Variants in FAM149A observed in about 807,000 individuals in gnomAD.
The protein encoded by FAM149A is protein FAM149A.
In FAM149A, 71 loss-of-function variants were observed where a neutral mutation model predicts 78.2. The observed-to-expected ratio is 0.91, with a 90% confidence interval of 0.75 to 1.11. The LOEUF (loss-of-function observed/expected upper bound fraction) is 1.11. Among genes scored for constraint, FAM149A ranks in the 50% least tolerant of loss-of-function variants. FAM149A has a pLI of 0.00. For missense variants in FAM149A, 1,036 were observed against 971.0 expected, an observed-to-expected ratio of 1.07 and a Z score of -0.89; for synonymous variants, 446 against 410.5, an observed-to-expected ratio of 1.09 and a Z score of -1.04.
chr4:186,118,204 G>T (rs749976179), intron 1 of FAM149A: 1 of 985,396 alleles, frequency 1.0e-6, no homozygotes. Context: ...CACACACCAC[G>T]CAAGATGGGA....
Position 186,152,031 on chromosome 4 carries a change from A to G in FAM149A, c.918A>G (p.Arg306=). The G allele has an allele frequency of 6.2e-7, 1 of 1,613,824 alleles. No homozygotes were observed. The highest frequency in any genetic ancestry group is 1.1e-5 in the South Asian group (1 of 91,068). The stretch of plus-strand genomic sequence containing the variant: ...CCGAATGCGGGGAGTGGACAAGAAG[A>G]TCCCTCCATTTGAGGTGGGACCTTG... Residue 306 remains arginine (R), a synonymous_variant, in exon 4 of 14, where the codon AGA becomes AGG. Transcript: ENST00000389354.
intron 6 of FAM149A, chr4:186,154,902 C>G (rs1181957620): frequency 3.0e-6 from 3 of 985,228 alleles, no homozygotes; most frequent in Non-Finnish European, 3.6e-6. Context: ...CCAGGTTCCC[C>G]AGCCCTGGCT....
chr4:186,167,949 G>A (rs1735201171), intron 13 of FAM149A, among the ~76,000 whole-genome samples: 1 of 152,172 alleles, frequency 6.6e-6, no homozygotes, highest in South Asian at 2.1e-4. Flanking sequence ...TTGGAAAACT[G>A]TGAAAAGGAT....
At chr4:186,160,779 ACCACAC>A in intron 8 of FAM149A, 1 of 901,382 alleles carries the variant, frequency 1.1e-6, no homozygotes, top group African/African-American at 3.3e-5. Context: ...ATCACACCAC[ACCACAC>A]ACACACACAC....
In FAM149A at chr4:186,160,465, C is replaced by G. The variant is rs559333581; in HGVS notation, c.1576-2380C>G. Among the ~76,000 whole-genome samples the G allele has an allele frequency of 3.3e-3, 491 of 146,670 alleles. 2 individuals carry two copies. The highest frequency in any genetic ancestry group is 0.012 in the African/African-American group (479 of 39,640). On this transcript the variant is annotated intron_variant, in intron 8 of 13. Coordinates refer to ENST00000389354, the MANE Select transcript of FAM149A (RefSeq NM_001367768.3). ...ATATCCCACACAAACACACCACACA[C>G]CATACACCACACACACACCACACAC...
In FAM149A at chr4:186,171,926, T is replaced by C; in HGVS notation, c.2231T>C (p.Val744Ala). The change falls in exon 14 of 14, where the codon GTG (valine) becomes GCG (alanine). Residue 744 changes from valine (V) to alanine (A), a missense_variant. Physicochemically the swap from Val to Ala is moderately conservative, Grantham distance 64 (BLOSUM62 0). This residue lies in a region of FAM149A where 716 missense variants were observed against 711.8 expected (regional missense o/e 1.01). Coordinates refer to ENST00000389354, the MANE Select transcript of FAM149A (RefSeq NM_001367768.3). Reference sequence around the variant, plus strand: ...TTGGTGTTTCCAGGTTCACAATATGTGCCTAAATCTTTTCAGAGGACAACT... The same window carrying C: ...TTGGTGTTTCCAGGTTCACAATATGCGCCTAAATCTTTTCAGAGGACAACT... The C allele has an allele frequency of 1.2e-6, 2 of 1,608,020 alleles. No individual in the cohort carries two copies. The highest frequency in any genetic ancestry group is 1.7e-6 in the Non-Finnish European group (2 of 1,177,930).
intron 4 of FAM149A, chr4:186,153,321 G>A (rs950328008): frequency 5.0e-5 from 46 of 924,200 alleles, no homozygotes; most frequent in Non-Finnish European, 5.3e-5. Context: ...TGTGCCCAGT[G>A]TTGCCTTAGA....
chr4:186,109,707 A>G lies in FAM149A; in HGVS notation c.566+4065A>G, dbSNP rs2099310399. 9.2e-6 allele frequency: 9 copies of G among 982,346 alleles called. No homozygotes were observed. The South Asian group carries it at 3.8e-4, about 41-fold the overall frequency. The allele number at this position is 982,346 out of a possible 1,614,324, so 60.9% of individuals were successfully genotyped here. A position where few individuals can be genotyped will look rare whatever the true frequency, so the allele number is the denominator to read the frequency against. ...ATTACTACCTGCTTCTTGGCACAGA[A>G]ATGAAAATTGAGAGCCATGTTTTAT... On this transcript the variant is annotated intron_variant, in intron 1 of 13. Transcript: ENST00000389354.
At chr4:186,148,544 C>T (rs1420516783) in intron 1 of FAM149A, among the ~76,000 whole-genome samples, 1 of 152,134 alleles carries the variant, frequency 6.6e-6, no homozygotes, top group Non-Finnish European at 1.5e-5. Context: ...CAATGATTAA[C>T]AGGAACTGTG....
chr4:186,134,648 A>G (rs1237703969), intron 1 of FAM149A, among the ~76,000 whole-genome samples: 1 of 152,164 alleles, frequency 6.6e-6, no homozygotes, highest in Admixed American at 6.5e-5. Flanking sequence ...ACATTTAGAA[A>G]GGGTGTTCTG....
At chr4:186,136,940 C>CTCTCTCTCTCTCTCTCTCTT (rs2099323053) in intron 1 of FAM149A, among the ~76,000 whole-genome samples, 1 of 91,488 alleles carries the variant, frequency 1.1e-5, no homozygotes, top group Non-Finnish European at 2.1e-5. Flanking sequence ...TGATTGATCT[C>CTCTCTCTCTCTCTCTCTCTT]TCTCTCTCTC....
intron 1 of FAM149A, chr4:186,132,303 C>G (rs2099321065): frequency 1.2e-6 from 1 of 818,244 alleles, no homozygotes; most frequent in Non-Finnish European, 1.5e-6. Flanking sequence ...GATTTAAAAG[C>G]TACAGTAAAT....
At chr4:186,165,585 A>C in intron 11 of FAM149A, 121 bp downstream of exon 11, 2 of 932,740 alleles carry the variant, frequency 2.1e-6, no homozygotes, top group Non-Finnish European at 3.2e-6. Context: ...GCTGTATTCA[A>C]ATGCCTTCAT....
chr4:186,126,880 G>T, intron 1 of FAM149A: 3 of 985,250 alleles, frequency 3.0e-6, no homozygotes, highest in Non-Finnish European at 3.6e-6. Context: ...ACAGGGGGAG[G>T]AAGAGACACT....
chr4:186,142,137 G>A (rs2099326058), intron 1 of FAM149A, among the ~76,000 whole-genome samples: 1 of 152,200 alleles, frequency 6.6e-6, no homozygotes, highest in Non-Finnish European at 1.5e-5. Context: ...AAGGCAGGAA[G>A]CAGAAGTGAG....
At position 186,163,702 on chromosome 4, in the gene FAM149A, A is replaced by G. The variant is rs566733819; in HGVS notation, c.1889+69A>G. 1.7e-4 allele frequency: 194 copies of G among 1,159,142 alleles called. 1 individual carries two copies. In the African/African-American group the frequency reaches 2.4e-3, roughly 14 times the overall value. The allele number at this position is 1,159,142 out of a possible 1,614,324, so 71.8% of individuals were successfully genotyped here. A position where few individuals can be genotyped will look rare whatever the true frequency, so the allele number is the denominator to read the frequency against. On this transcript the variant is annotated intron_variant, in intron 10 of 13. Transcript: ENST00000389354. The stretch of plus-strand genomic sequence containing the variant: ...CCTAGATGCTTCTCAGTTAGGGTTT[A>G]TGGATCATCCTGGACAAAGCATCCC...
chr4:186,172,054 A>T lies in FAM149A; in HGVS notation c.*67A>T, dbSNP rs536622916. On this transcript the variant is annotated 3_prime_UTR_variant, in exon 14 of 14. Coordinates refer to ENST00000389354, the MANE Select transcript of FAM149A (RefSeq NM_001367768.3). The stretch of plus-strand genomic sequence containing the variant: ...ACACTGCTTATCACTTGAAAAATGG[A>T]GGAACAAGTGTTATATTTATCTGTG... The T allele has an allele frequency of 6.3e-7, 1 of 1,578,726 alleles. No individual in the cohort carries two copies. The highest frequency in any genetic ancestry group is 8.6e-7 in the Non-Finnish European group (1 of 1,166,556).
chr4:186,158,146 G>A (rs113992685), intron 8 of FAM149A: 1 of 1,285,046 alleles, frequency 7.8e-7, no homozygotes, highest in Non-Finnish European at 1.0e-6. Context: ...ACACTGGCCG[G>A]CAGGCTGTGC....
intron 8 of FAM149A, chr4:186,158,186 C>G (rs976375752): frequency 5.5e-6 from 7 of 1,280,194 alleles, no homozygotes; most frequent in African/African-American, 3.0e-5. Context: ...CAGAGCCACT[C>G]CAGCTGCTGG....
Sources: gnomAD v4.1 joint callset for allele counts (sites outside exome capture counted in the v4.1 genomes callset) on GRCh38, gnomAD v4.1.1 for gene constraint, gnomAD v4.1.1 regional missense constraint, MANE v1.5 for transcripts, NCBI Gene and HGNC (gene_info 2026-07-23, HGNC 2026-07-21) for gene names.